Variants in CDK14 observed in about 807,000 individuals in gnomAD.
The protein encoded by CDK14 is cyclin dependent kinase 14.
In CDK14, 34 loss-of-function variants were observed where a neutral mutation model predicts 60.7. The observed-to-expected ratio is 0.56, with a 90% CI of 0.43 to 0.75. The LOEUF (loss-of-function observed/expected upper bound fraction) is 0.75. CDK14 is among the 30% of genes least tolerant of loss of function. The probability of loss-of-function intolerance (pLI) is 0.00; values close to 1 mark genes in which losing one functional copy is unlikely to be tolerated. For missense variants in CDK14, 482 were observed against 564.1 expected (o/e 0.85, Z 1.47); for synonymous variants, 197 against 203.7 (o/e 0.97, Z 0.28).
intron 5 of CDK14, among the ~76,000 whole-genome samples, chr7:90,802,039 T>G (rs1473576889): frequency 6.6e-6 from 1 of 152,172 alleles, no homozygotes; most frequent in African/African-American, 2.4e-5. Flanking sequence ...GAGGGGCTCC[T>G]GGGACATAAC....
At chr7:91,058,247 C>T (rs1797651129) in intron 11 of CDK14, among the ~76,000 whole-genome samples, 5 of 152,034 alleles carry the variant, frequency 3.3e-5, no homozygotes, top group Admixed American at 3.3e-4. Context: ...GATTTTTGCA[C>T]ATTGATTTTG....
At chr7:91,165,061 T>C (rs1801304416) in intron 14 of CDK14, among the ~76,000 whole-genome samples, 1 of 152,328 alleles carries the variant, frequency 6.6e-6, no homozygotes, top group African/African-American at 2.4e-5. Flanking sequence ...AAGGTATTTT[T>C]GTGATCGCTC....
rs201019143 is a variant in CDK14, at chr7:90,652,617, C to T, written c.123+48368C>T. ...TGAAGGGACCAAAATAAGTGTGAGA[C>T]GATGTGCTAGAAACTGTATTTAAAT... On this transcript the variant is annotated intron_variant, in intron 2 of 14. Transcript: ENST00000380050. 3.3e-5 allele frequency among the ~76,000 whole-genome samples: 5 copies of T among 152,082 alleles called. No homozygotes were observed. In the East Asian group the frequency reaches 5.8e-4, roughly 18 times the overall value.
At chr7:90,829,454 C>G (rs564345824) in intron 5 of CDK14, among the ~76,000 whole-genome samples, 1 of 152,138 alleles carries the variant, frequency 6.6e-6, no homozygotes, top group Non-Finnish European at 1.5e-5. Context: ...GGTAAATGTT[C>G]CCATTCTAAC....
rs753279884 is a variant in CDK14, at chr7:90,849,660, T to C, written c.545-13515T>C. Among the ~76,000 whole-genome samples, 24 of 152,050 alleles carry C rather than the reference T, an allele frequency of 1.6e-4. No individual in the cohort carries two copies. The Middle Eastern group carries it at 0.014, about 86-fold the overall frequency. On this transcript the variant is annotated intron_variant, in intron 5 of 14. Transcript: ENST00000380050. ...CTCCAGCCACATAACTTTTACCACA[T>C]CGTGAAGCACAGGATGGCAGAGGTT...
At chr7:90,698,735 T>C (rs1234768005) in intron 2 of CDK14, among the ~76,000 whole-genome samples, 4 of 152,316 alleles carry the variant, frequency 2.6e-5, no homozygotes, top group South Asian at 4.1e-4. Context: ...TCTTGATGAG[T>C]GTTCCCCTCT....
intron 10 of CDK14, among the ~76,000 whole-genome samples, chr7:91,040,766 CTTG>C (rs1249551699): frequency 7.9e-5 from 12 of 152,280 alleles, no homozygotes; most frequent in East Asian, 3.9e-4. Flanking sequence ...GTTAGCAGGT[CTTG>C]TTGTACTTAA....
chr7:90,963,802 G>A (rs922142382), intron 9 of CDK14, among the ~76,000 whole-genome samples: 7 of 138,566 alleles, frequency 5.1e-5, no homozygotes, highest in African/African-American at 1.6e-4. Flanking sequence ...TGCAACCTTC[G>A]TCTCCCGGGT....
chr7:90,735,695 A>G (rs1394370380), intron 3 of CDK14, among the ~76,000 whole-genome samples: 1 of 152,198 alleles, frequency 6.6e-6, no homozygotes, highest in East Asian at 1.9e-4. Flanking sequence ...TAAGCGTCCC[A>G]GGTCGACTTC....
intron 9 of CDK14, among the ~76,000 whole-genome samples, chr7:90,977,545 T>C (rs1217607660): frequency 1.3e-5 from 2 of 152,102 alleles, no homozygotes; most frequent in African/African-American, 4.8e-5. Context: ...GCTTTAAGAC[T>C]AGGAGATCAA....
chr7:91,034,969 C>A (rs1215133056), intron 10 of CDK14, among the ~76,000 whole-genome samples: 6 of 151,756 alleles, frequency 4.0e-5, no homozygotes, highest in African/African-American at 1.5e-4. Context: ...CACACACACA[C>A]ACACACACAT....
intron 14 of CDK14, among the ~76,000 whole-genome samples, chr7:91,205,010 T>C (rs1396038732): frequency 6.6e-6 from 1 of 151,984 alleles, no homozygotes; most frequent in Non-Finnish European, 1.5e-5. Flanking sequence ...AATCAGTTCA[T>C]ACCCACTAGG....
At chr7:90,810,592 A>G (rs1789055058) in intron 5 of CDK14, among the ~76,000 whole-genome samples, 1 of 152,220 alleles carries the variant, frequency 6.6e-6, no homozygotes, top group South Asian at 2.1e-4. Flanking sequence ...CACCACTCCT[A>G]TTCAACATAG....
At chr7:90,928,440 C>G (rs1793490434) in intron 8 of CDK14, among the ~76,000 whole-genome samples, 1 of 152,196 alleles carries the variant, frequency 6.6e-6, no homozygotes, top group African/African-American at 2.4e-5. Flanking sequence ...TTCCTTCTAA[C>G]AGTCAGGACC....
At position 90,778,723 on chromosome 7, in the gene CDK14, A is replaced by G. The variant is rs181306452; in HGVS notation, c.465-11850A>G. Reference sequence around the variant, plus strand: ...TCTCTTCTTTATTTTTGTTTAACACATCACATTCTCACCCTCTGAGCTTTT... The same window carrying G: ...TCTCTTCTTTATTTTTGTTTAACACGTCACATTCTCACCCTCTGAGCTTTT... On this transcript the variant is annotated intron_variant, in intron 4 of 14. Coordinates refer to ENST00000380050, the MANE Select transcript of CDK14 (RefSeq NM_001287135.2). 4.8e-4 allele frequency among the ~76,000 whole-genome samples: 73 copies of G among 151,952 alleles called. 1 individual carries two copies. Among genetic ancestry groups the G allele is most frequent in the African/African-American group, 1.1e-3 (47 of 41,426 alleles).
intron 4 of CDK14, among the ~76,000 whole-genome samples, chr7:90,761,344 T>A (rs1175563294): frequency 1.2e-4 from 18 of 151,202 alleles, no homozygotes; most frequent in Non-Finnish European, 2.5e-4. Flanking sequence ...TTTTTTTTTT[T>A]AAAGAGTTAG....
intron 9 of CDK14, among the ~76,000 whole-genome samples, chr7:90,967,912 G>A (rs1312188660): frequency 6.6e-6 from 1 of 152,170 alleles, no homozygotes; most frequent in Non-Finnish European, 1.5e-5. Flanking sequence ...GAAACTAGGA[G>A]CCTCTATAAA....
chr7:90,826,406 A>G (rs891337170), intron 5 of CDK14, among the ~76,000 whole-genome samples: 3 of 152,122 alleles, frequency 2.0e-5, no homozygotes, highest in Non-Finnish European at 2.9e-5. Context: ...TTTAGTAGAG[A>G]CAGGGTTTCA....
chr7:91,057,179 A>G (rs966007544), intron 11 of CDK14, among the ~76,000 whole-genome samples: 1 of 152,124 alleles, frequency 6.6e-6, no homozygotes, highest in Admixed American at 6.5e-5. Flanking sequence ...GCATTTTTTC[A>G]TGTGCCTTTT....
Sources: gnomAD v4.1 joint callset for allele counts (sites outside exome capture counted in the v4.1 genomes callset) on GRCh38, gnomAD v4.1.1 for gene constraint, MANE v1.5 for transcripts, NCBI Gene and HGNC (gene_info 2026-07-23, HGNC 2026-07-21) for gene names.